ST6GAL2: variants seen among roughly 807,000 people sequenced by gnomAD.
ST6GAL2 encodes the protein ST6 beta-galactoside alpha-2,6-sialyltransferase 2.
In ST6GAL2, 24 loss-of-function variants were observed where a neutral mutation model predicts 37.5. The observed-to-expected ratio is 0.64, with a 90% confidence interval of 0.46 to 0.90. The LOEUF is 0.90. ST6GAL2 is among the 40% of genes least tolerant of loss of function. ST6GAL2 has a pLI of 0.00. For synonymous variants in ST6GAL2, 306 were observed against 295.1 expected (o/e 1.04, Z -0.38); for missense variants, 715 against 712.7 (o/e 1.00, Z -0.04).
chr2:106,811,063 C>CT (rs941430808), intron 5 of ST6GAL2, among the ~76,000 whole-genome samples: 4 of 151,478 alleles, frequency 2.6e-5, no homozygotes, highest in Admixed American at 6.6e-5. Flanking sequence ...AACATTTTAA[C>CT]TTTTTTTTTC....
intron 1 of ST6GAL2, among the ~76,000 whole-genome samples, chr2:106,885,301 AAAAAT>A (rs1190564687): frequency 6.6e-6 from 1 of 152,050 alleles, no homozygotes; most frequent in East Asian, 1.9e-4. Context: ...CATGTCCAAT[AAAAAT>A]AAGTTCACAA....
At chr2:106,820,442 T>C (rs1200883690) in intron 5 of ST6GAL2, among the ~76,000 whole-genome samples, 1 of 152,036 alleles carries the variant, frequency 6.6e-6, no homozygotes, top group Non-Finnish European at 1.5e-5. Context: ...CAATTGTAAA[T>C]ATATTTTGGA....
At position 106,804,855 on chromosome 2, in the gene ST6GAL2, A is replaced by AAG. The variant is rs1553414504; in HGVS notation, c.*1822_*1823insCT. 1.7e-4 allele frequency: 26 copies of AAG among 151,382 alleles called. No individual in the cohort carries two copies. Among genetic ancestry groups the AAG allele is most frequent in the Admixed American group, 2.0e-4 (3 of 15,160 alleles). The allele number at this position is 151,382 out of a possible 1,614,324, so 9.4% of individuals were successfully genotyped here. On this transcript the variant is annotated 3_prime_UTR_variant, in exon 6 of 6. Transcript: ENST00000409382. The stretch of plus-strand genomic sequence containing the variant: ...AGAGACTGTCTCAAAAAAAAAAAAA[A>AAG]AAAAGAAAAGAAAAGAAATTAGAAA...
chr2:106,825,628 T>C (rs781485688), intron 5 of ST6GAL2, among the ~76,000 whole-genome samples: 7 of 152,274 alleles, frequency 4.6e-5, no homozygotes, highest in Non-Finnish European at 8.8e-5. Flanking sequence ...CAAGTAATTA[T>C]TATTTGTATC....
At chr2:106,837,218 G>C (rs1423531207) in intron 2 of ST6GAL2, among the ~76,000 whole-genome samples, 2 of 152,144 alleles carry the variant, frequency 1.3e-5, no homozygotes, top group Admixed American at 6.5e-5. Context: ...TCGGCTCACA[G>C]TGCAATTACC....
At chr2:106,864,990 C>T (rs1677963368) in intron 1 of ST6GAL2, among the ~76,000 whole-genome samples, 1 of 151,978 alleles carries the variant, frequency 6.6e-6, no homozygotes, top group Non-Finnish European at 1.5e-5. Context: ...GGTGTAAACG[C>T]TTCCACTATA....
intron 1 of ST6GAL2, among the ~76,000 whole-genome samples, chr2:106,853,569 T>G (rs963389526): frequency 2.6e-5 from 4 of 152,140 alleles, no homozygotes; most frequent in Non-Finnish European, 5.9e-5. Context: ...TTCAAGCCAG[T>G]GGAATGCCTG....
At chr2:106,876,249 G>T (rs958809700) in intron 1 of ST6GAL2, among the ~76,000 whole-genome samples, 3 of 151,982 alleles carry the variant, frequency 2.0e-5, no homozygotes, top group African/African-American at 7.3e-5. Context: ...AAATGTACTG[G>T]CTTGTACTAC....
chr2:106,844,160 C>A lies in ST6GAL2; in HGVS notation c.-57-126G>T, dbSNP rs572726668. On this transcript the variant is annotated intron_variant, in intron 1 of 5. Transcript: ENST00000409382. ...GGGTTGTAGAAGGGGCACTAGAAAC[C>A]AGAATCATCCAGGAGTTTTAGCTAA... 322 of 514,640 alleles carry A rather than the reference C, an allele frequency of 6.3e-4. 2 individuals are homozygous for A. In the East Asian group the frequency reaches 9.2e-3, roughly 15 times the overall value. 31.9% of individuals were successfully genotyped at this position (514,640 alleles called of 1,614,324 possible).
intron 1 of ST6GAL2, among the ~76,000 whole-genome samples, chr2:106,876,655 C>T (rs972057173): frequency 6.6e-6 from 1 of 152,158 alleles, no homozygotes; most frequent in African/African-American, 2.4e-5. Flanking sequence ...GTAAGAATTG[C>T]TTCTTGATGT....
chr2:106,826,988 C>T (rs969640498), intron 5 of ST6GAL2, among the ~76,000 whole-genome samples: 1 of 152,144 alleles, frequency 6.6e-6, no homozygotes, highest in African/African-American at 2.4e-5. Context: ...GTCCTGCTGA[C>T]CGGTGTACCC....
At chr2:106,876,477 TA>T (rs780698566) in intron 1 of ST6GAL2, among the ~76,000 whole-genome samples, 6 of 152,222 alleles carry the variant, frequency 3.9e-5, no homozygotes, top group Non-Finnish European at 7.3e-5. Flanking sequence ...AACTTTACCT[TA>T]TTTTTTAAAA....
intron 1 of ST6GAL2, among the ~76,000 whole-genome samples, chr2:106,885,150 C>T (rs1678925273): frequency 6.6e-6 from 1 of 151,606 alleles, no homozygotes; most frequent in Non-Finnish European, 1.5e-5. Context: ...AAATGTGCTT[C>T]CAGCCCACCA....
chr2:106,869,712 G>A (rs1235067224), intron 1 of ST6GAL2, among the ~76,000 whole-genome samples: 1 of 152,182 alleles, frequency 6.6e-6, no homozygotes, highest in Non-Finnish European at 1.5e-5. Context: ...TTGACTGATA[G>A]GGAGGCTCAC....
In ST6GAL2 at chr2:106,803,944, G is replaced by T. The variant is rs1382017771; in HGVS notation, c.*2734C>A. ...AAATGCTGCCACTTAGGACCCATTT[G>T]GCTAATACTAGAAGTAGTCATCAAG... On this transcript the variant is annotated 3_prime_UTR_variant, in exon 6 of 6. Transcript: ENST00000409382. The T allele has an allele frequency of 9.9e-5, 15 of 152,124 alleles. No individual in the cohort carries two copies. Among genetic ancestry groups the T allele is most frequent in the Admixed American group, 7.9e-4 (12 of 15,274 alleles). The allele number at this position is 152,124 out of a possible 1,614,324, so 9.4% of individuals were successfully genotyped here. A position where few individuals can be genotyped will look rare whatever the true frequency, so the allele number is the denominator to read the frequency against.
At chr2:106,834,721 G>C (rs1279914131) in intron 2 of ST6GAL2, 1 of 152,606 alleles carries the variant, frequency 6.6e-6, no homozygotes, top group African/African-American at 2.4e-5. Context: ...GAAGACCTGT[G>C]TGAGAGCAAC....
chr2:106,839,422 C>A (rs1475981423), intron 2 of ST6GAL2, among the ~76,000 whole-genome samples: 1 of 152,106 alleles, frequency 6.6e-6, no homozygotes, highest in Non-Finnish European at 1.5e-5. Context: ...CAACCCACAA[C>A]ACTGGAATTG....
chr2:106,886,261 G>GCTGGGACCCTGGC (rs1179716377), upstream of ST6GAL2: 1 of 152,190 alleles, frequency 6.6e-6, no homozygotes, highest in Admixed American at 6.5e-5. Flanking sequence ...GCCCGCTAGA[G>GCTGGGACCCTGGC]CTGGGACCCT....
chr2:106,884,906 CATATATATATATAT>C (rs772381082), intron 1 of ST6GAL2, among the ~76,000 whole-genome samples: 2 of 76,496 alleles, frequency 2.6e-5, no homozygotes, highest in African/African-American at 1.4e-4. Flanking sequence ...ATTTGCAGCG[CATATATATATATAT>C]ATATATATAT....
Sources: allele counts gnomAD v4.1 joint callset (sites outside exome capture counted in the v4.1 genomes callset), GRCh38; gene constraint gnomAD v4.1.1; transcripts MANE v1.5; gene names NCBI Gene and HGNC (gene_info 2026-07-23, HGNC 2026-07-21).